The following RNF152 variants were observed in gnomAD, a reference collection of about 807,000 sequenced individuals.
The protein encoded by RNF152 is E3 ubiquitin-protein ligase RNF152.
Under a neutral mutation model 12.7 loss-of-function variants are expected in RNF152, and 11 were observed. That is an observed-to-expected ratio of 0.86 (90% CI 0.54 to 1.43). RNF152 has a LOEUF of 1.43. Among genes scored for constraint, RNF152 ranks in the 40% most tolerant of loss-of-function variants. The pLI is 0.00. For synonymous variants in RNF152, 113 were observed against 120.3 expected, an observed-to-expected ratio of 0.94 and a Z score of 0.40; for missense variants, 255 against 274.8, an observed-to-expected ratio of 0.93 and a Z score of 0.51.
intron 1 of RNF152, among the ~76,000 whole-genome samples, chr18:61,884,509 C>CA (rs1256901423): frequency 6.6e-6 from 1 of 151,414 alleles, no homozygotes; most frequent in African/African-American, 2.4e-5. Flanking sequence ...AGCTAGAAGG[C>CA]AGGGATTTTT....
chr18:61,849,646 A>G (rs560277654), intron 1 of RNF152, among the ~76,000 whole-genome samples: 98 of 152,362 alleles, frequency 6.4e-4, no homozygotes, highest in African/African-American at 2.3e-3. Flanking sequence ...AACAAAATGG[A>G]TCTCTCCTCT....
chr18:61,860,208 T>A (rs528335662), intron 1 of RNF152, among the ~76,000 whole-genome samples: 2 of 152,226 alleles, frequency 1.3e-5, no homozygotes, highest in South Asian at 4.2e-4. Flanking sequence ...CCTGTGGACT[T>A]CCAGCCTCCA....
chr18:61,866,448 A>G (rs893124434), intron 1 of RNF152, among the ~76,000 whole-genome samples: 1 of 2,154 alleles, frequency 4.6e-4, no homozygotes, highest in Non-Finnish European at 7.4e-3. Context: ...ATTCACATCC[A>G]CACTCTCGCC....
intron 1 of RNF152, among the ~76,000 whole-genome samples, chr18:61,887,817 T>C (rs556573866): frequency 1.3e-4 from 20 of 152,248 alleles, no homozygotes; most frequent in African/African-American, 4.1e-4. Flanking sequence ...AGTGTGATTA[T>C]CTGGATGTCT....
chr18:61,854,488 A>G (rs957628210), intron 1 of RNF152, among the ~76,000 whole-genome samples: 1 of 152,184 alleles, frequency 6.6e-6, no homozygotes, highest in African/African-American at 2.4e-5. Flanking sequence ...TCAAAATTAC[A>G]CAGGAAACCA....
intron 1 of RNF152, among the ~76,000 whole-genome samples, chr18:61,891,321 C>A (rs1912950186): frequency 6.6e-6 from 1 of 152,170 alleles, no homozygotes; most frequent in Admixed American, 6.5e-5. Context: ...TTTAAAACCA[C>A]AATGAAACCT....
intron 1 of RNF152, among the ~76,000 whole-genome samples, chr18:61,856,662 T>G (rs1422474056): frequency 1.3e-5 from 2 of 151,830 alleles, no homozygotes; most frequent in African/African-American, 4.8e-5. Flanking sequence ...TTACTAGAGG[T>G]GAGGGGTTGG....
intron 1 of RNF152, among the ~76,000 whole-genome samples, chr18:61,865,027 A>T (rs750182127): frequency 1.3e-5 from 2 of 152,232 alleles, no homozygotes; most frequent in Admixed American, 6.5e-5. Flanking sequence ...TCTCAAAAAA[A>T]AAAGGAGTTT....
intron 1 of RNF152, among the ~76,000 whole-genome samples, chr18:61,827,298 A>G (rs1195398149): frequency 3.3e-5 from 5 of 152,250 alleles, no homozygotes; most frequent in Non-Finnish European, 7.3e-5. Context: ...GGAACATTGA[A>G]TAAATTGCCC....
At chr18:61,893,038 G>A (rs1239693350), upstream of RNF152, 3 of 152,560 alleles carry the variant, frequency 2.0e-5, no homozygotes, top group African/African-American at 7.2e-5. Flanking sequence ...GGCAGATGAG[G>A]TGTGGAGGGC....
At chr18:61,888,580 T>G (rs541177545) in intron 1 of RNF152, 2 of 152,236 alleles carry the variant, frequency 1.3e-5, no homozygotes, top group African/African-American at 4.8e-5. Flanking sequence ...CTAATGCGCA[T>G]TTCTGGGCAC....
rs1331416446 is a variant in RNF152, at chr18:61,826,892, T to C, written c.-135-10294A>G. ...TTTTGGAGATAATAAGGCTTACAGA[T>C]GCAACTTTGTTTTTAAATAACTGTT... is the stretch of plus-strand genomic sequence containing the variant. On this transcript the variant is annotated intron_variant, in intron 1 of 1. Coordinates refer to ENST00000312828, the MANE Select transcript of RNF152 (RefSeq NM_173557.3). Among the ~76,000 whole-genome samples, 3 of 152,244 alleles carry C rather than the reference T, an allele frequency of 2.0e-5. No individual in the cohort carries two copies. The South Asian group carries it at 6.2e-4, about 31-fold the overall frequency.
chr18:61,884,423 A>G (rs1185909074), intron 1 of RNF152, among the ~76,000 whole-genome samples: 1 of 146,964 alleles, frequency 6.8e-6, no homozygotes, highest in Non-Finnish European at 1.5e-5. Context: ...TTTATTCTCT[A>G]CCCTTTTAGC....
At chr18:61,844,676 T>C (rs1267079274) in intron 1 of RNF152, among the ~76,000 whole-genome samples, 1 of 152,204 alleles carries the variant, frequency 6.6e-6, no homozygotes, top group Non-Finnish European at 1.5e-5. Context: ...GTCTACCCAA[T>C]GACTGGGGTT....
intron 1 of RNF152, among the ~76,000 whole-genome samples, chr18:61,870,398 T>G (rs1911938354): frequency 1.3e-5 from 2 of 152,178 alleles, no homozygotes; most frequent in African/African-American, 4.8e-5. Context: ...GGTATTTTCT[T>G]ACTCTGGGCT....
At chr18:61,840,600 G>A (rs1348579707) in intron 1 of RNF152, among the ~76,000 whole-genome samples, 3 of 151,874 alleles carry the variant, frequency 2.0e-5, no homozygotes, top group African/African-American at 7.3e-5. Context: ...AGAGTCCCTG[G>A]GTCCCAGGGA....
At chr18:61,826,468 C>T (rs1909673348) in intron 1 of RNF152, among the ~76,000 whole-genome samples, 1 of 152,162 alleles carries the variant, frequency 6.6e-6, no homozygotes, top group African/African-American at 2.4e-5. Flanking sequence ...TTTGTTCTTC[C>T]CATACAGGCC....
intron 1 of RNF152, among the ~76,000 whole-genome samples, chr18:61,889,347 C>T (rs982084529): frequency 7.9e-5 from 12 of 152,190 alleles, no homozygotes; most frequent in African/African-American, 2.9e-4. Flanking sequence ...AAATTCTACA[C>T]TTATGCTTAA....
intron 1 of RNF152, among the ~76,000 whole-genome samples, chr18:61,866,680 C>T (rs934756082): frequency 1.3e-5 from 2 of 152,212 alleles, no homozygotes; most frequent in African/African-American, 2.4e-5. Flanking sequence ...CTGCTGTGTG[C>T]TCCTACAGTG....
Sources: allele counts gnomAD v4.1 joint callset (sites outside exome capture counted in the v4.1 genomes callset), GRCh38; gene constraint gnomAD v4.1.1; transcripts MANE v1.5; gene names NCBI Gene and HGNC (gene_info 2026-07-23, HGNC 2026-07-21).